PTPRD: variants seen among roughly 807,000 people sequenced by gnomAD.
PTPRD encodes protein tyrosine phosphatase receptor type D.
Under a neutral mutation model 214.5 loss-of-function variants are expected in PTPRD, and 34 were observed. The ratio of observed to expected loss-of-function variants is 0.16; its 90% CI spans 0.12 to 0.21. The LOEUF is 0.21. Among genes scored for constraint, PTPRD ranks in the 10% least tolerant of loss-of-function variants. The pLI, the probability that PTPRD is intolerant of heterozygous loss-of-function variation, is 1.00. For missense variants in PTPRD, 2,545 were observed against 2,398.7 expected (o/e 1.06, Z -1.27); for synonymous variants, 1,128 against 845.7 (o/e 1.33, Z -5.79).
chr9:9,759,288 T>C (rs2098627947), intron 6 of PTPRD, among the ~76,000 whole-genome samples: 1 of 152,136 alleles, frequency 6.6e-6, no homozygotes, highest in African/African-American at 2.4e-5. Flanking sequence ...AACTACTATG[T>C]ACCATTGGTA....
intron 4 of PTPRD, among the ~76,000 whole-genome samples, chr9:9,982,231 C>A (rs544062725): frequency 1.3e-5 from 2 of 152,130 alleles, no homozygotes; most frequent in Non-Finnish European, 2.9e-5. Flanking sequence ...GGCACTTAGC[C>A]AGTCGTCTTT....
At chr9:9,608,145 C>T (rs921975736) in intron 7 of PTPRD, among the ~76,000 whole-genome samples, 4 of 152,060 alleles carry the variant, frequency 2.6e-5, no homozygotes, top group African/African-American at 9.7e-5. Context: ...GTAGTAGCTA[C>T]CTCATTGATT....
chr9:9,484,357 T>C (rs139230477), intron 8 of PTPRD, among the ~76,000 whole-genome samples: 16 of 152,088 alleles, frequency 1.1e-4, no homozygotes, highest in Non-Finnish European at 1.9e-4. Flanking sequence ...GACATGGTAA[T>C]AGAATCAGCA....
chr9:9,962,876 C>A (rs917277709), intron 4 of PTPRD, among the ~76,000 whole-genome samples: 9 of 151,916 alleles, frequency 5.9e-5, no homozygotes, highest in Non-Finnish European at 1.0e-4. Flanking sequence ...TGTAATGCAC[C>A]ATAACTTGAA....
At chr9:9,523,847 T>C (rs2097054507) in intron 8 of PTPRD, among the ~76,000 whole-genome samples, 2 of 152,180 alleles carry the variant, frequency 1.3e-5, no homozygotes, top group Non-Finnish European at 2.9e-5. Flanking sequence ...CATTAGCTAC[T>C]TTTGCCGGCC....
intron 2 of PTPRD, among the ~76,000 whole-genome samples, chr9:10,557,039 C>A (rs1456247437): frequency 2.0e-5 from 3 of 152,062 alleles, no homozygotes; most frequent in African/African-American, 7.2e-5. Flanking sequence ...GAAAAACAGG[C>A]TGAATTTACT....
intron 3 of PTPRD, among the ~76,000 whole-genome samples, chr9:10,200,373 A>G (rs1418419617): frequency 6.6e-6 from 1 of 152,094 alleles, no homozygotes; most frequent in East Asian, 1.9e-4. Context: ...TATTGTCACA[A>G]CTATGGAGGA....
intron 9 of PTPRD, among the ~76,000 whole-genome samples, chr9:9,333,481 A>C (rs1471662810): frequency 7.6e-6 from 1 of 131,674 alleles, no homozygotes; most frequent in African/African-American, 3.2e-5. Context: ...AATATATATA[A>C]AACATATATA....
intron 34 of PTPRD, chr9:8,437,081 G>C (rs1005483203): frequency 1.4e-6 from 1 of 719,046 alleles, no homozygotes; most frequent in East Asian, 2.8e-5. Flanking sequence ...AAATTGTGTG[G>C]AATTAAATGG....
At chr9:9,220,104 C>T (rs898600480) in intron 9 of PTPRD, among the ~76,000 whole-genome samples, 1 of 151,996 alleles carries the variant, frequency 6.6e-6, no homozygotes, top group African/African-American at 2.4e-5. Context: ...ATGCTGTGAA[C>T]CTTTTCCTTT....
chr9:10,080,662 T>A (rs918607717), intron 3 of PTPRD, among the ~76,000 whole-genome samples: 67 of 152,214 alleles, frequency 4.4e-4, no homozygotes, highest in Admixed American at 1.2e-3. Flanking sequence ...CTAGATAAAA[T>A]CCATTATCAC....
intron 37 of PTPRD, among the ~76,000 whole-genome samples, chr9:8,386,517 G>A (rs768583472): frequency 2.0e-5 from 3 of 152,152 alleles, no homozygotes; most frequent in Admixed American, 6.5e-5. Context: ...AGCTCTTGGA[G>A]AGGTAATTTG....
chr9:9,471,571 A>G (rs1279015822), intron 8 of PTPRD, among the ~76,000 whole-genome samples: 1 of 152,190 alleles, frequency 6.6e-6, no homozygotes, highest in Non-Finnish European at 1.5e-5. Flanking sequence ...AAATGTCAAA[A>G]TTGCTATATT....
At chr9:8,648,278 A>C in intron 12 of PTPRD, among the ~76,000 whole-genome samples, 1 of 152,238 alleles carries the variant, frequency 6.6e-6, no homozygotes, top group East Asian at 1.9e-4. Flanking sequence ...GTCATGGGAT[A>C]TTATGACAAA....
chr9:8,636,612 T>C (rs2154327526), intron 13 of PTPRD, 87 bp downstream of exon 13: 1 of 1,481,570 alleles, frequency 6.7e-7, no homozygotes. Context: ...ACACCTTTTA[T>C]CAGAGTAAAG....
At chr9:9,074,187 C>T (rs1281346367) in intron 10 of PTPRD, among the ~76,000 whole-genome samples, 1 of 152,078 alleles carries the variant, frequency 6.6e-6, no homozygotes, top group South Asian at 2.1e-4. Flanking sequence ...ATGATGGTTA[C>T]TTTTCTGAAT....
intron 44 of PTPRD, among the ~76,000 whole-genome samples, chr9:8,329,760 G>A (rs745612213): frequency 1.3e-5 from 2 of 152,140 alleles, no homozygotes; most frequent in Non-Finnish European, 2.9e-5. Flanking sequence ...TTGCTGAGCT[G>A]CAGTGGACTC....
intron 8 of PTPRD, among the ~76,000 whole-genome samples, chr9:9,450,640 C>T (rs1311183642): frequency 6.6e-6 from 1 of 151,620 alleles, no homozygotes; most frequent in Admixed American, 6.6e-5. Context: ...GAGACCTAAG[C>T]ATTTACATAA....
chr9:8,484,796 T>C (rs1331847931), intron 29 of PTPRD, among the ~76,000 whole-genome samples: 2 of 152,224 alleles, frequency 1.3e-5, no homozygotes, highest in Non-Finnish European at 2.9e-5. Flanking sequence ...CTCTATTTCT[T>C]ATTTCATAAA....
Sources: allele counts gnomAD v4.1 joint callset (sites outside exome capture counted in the v4.1 genomes callset), GRCh38; gene constraint gnomAD v4.1.1; transcripts MANE v1.5; gene names NCBI Gene and HGNC (gene_info 2026-07-23, HGNC 2026-07-21).